PRELID2: variants seen among roughly 807,000 people sequenced by gnomAD.
The protein encoded by PRELID2 is PRELI domain containing 2.
PRELID2 carries 25 observed loss-of-function variants against 28.4 expected under a neutral mutation model. The observed-to-expected ratio is 0.88, with a 90% CI of 0.64 to 1.23. The LOEUF is 1.23. Ranked by LOEUF, PRELID2 falls within the 50% of genes most tolerant of loss-of-function variation. The pLI, the probability that PRELID2 is intolerant of heterozygous loss-of-function variation, is 0.00. For synonymous variants in PRELID2, 76 were observed against 71.6 expected (o/e 1.06, Z -0.31); for missense variants, 201 against 214.4 (o/e 0.94, Z 0.39).
At chr5:145,583,414 C>T (rs893467138) in intron 1 of PRELID2, among the ~76,000 whole-genome samples, 8 of 152,064 alleles carry the variant, frequency 5.3e-5, no homozygotes, top group African/African-American at 1.9e-4. Context: ...CATTCCTATT[C>T]AACATAGTGT....
At chr5:145,530,569 G>T (rs1752647103) in intron 1 of PRELID2, among the ~76,000 whole-genome samples, 1 of 152,020 alleles carries the variant, frequency 6.6e-6, no homozygotes, top group African/African-American at 2.4e-5. Context: ...TTGTGGCTGA[G>T]ATGGAGAAGA....
chr5:145,600,159 A>G (rs1426073901), intron 1 of PRELID2, among the ~76,000 whole-genome samples: 1 of 145,354 alleles, frequency 6.9e-6, no homozygotes, highest in Non-Finnish European at 1.5e-5. Context: ...CAAAGTTAAC[A>G]TTTTTATTCA....
intron 1 of PRELID2, among the ~76,000 whole-genome samples, chr5:145,495,689 A>T (rs944675049): frequency 1.3e-5 from 2 of 152,228 alleles, no homozygotes; most frequent in South Asian, 4.1e-4. Flanking sequence ...CTTTCATATA[A>T]CTGTTGTGAA....
the PRELID2 span, among the ~76,000 whole-genome samples, chr5:145,299,189 GTA>G: frequency 6.6e-6 from 1 of 151,938 alleles, no homozygotes; most frequent in Non-Finnish European, 1.5e-5. Context: ...CCCAAACCTT[GTA>G]TATGTTTCCT....
rs753031230 is a variant in PRELID2 at position 145,697,047 on chromosome 5, ATATAT to A, written n.70+67879_70+67883del. 2.4e-3 allele frequency among the ~76,000 whole-genome samples: 264 copies of A among 109,944 alleles called. 8 individuals carry two copies. The highest frequency in any genetic ancestry group is 3.6e-3 in the Non-Finnish European group (205 of 57,264). The allele number at this position is 109,944 out of a possible 152,430, so 72.1% of individuals were successfully genotyped here. A position where few individuals can be genotyped will look rare whatever the true frequency, so the allele number is the denominator to read the frequency against. On this transcript the variant is annotated intron_variant and non_coding_transcript_variant, in intron 1 of 2. Coordinates refer to the PRELID2 transcript ENST00000510259. ...AGAGAGGAAAATTATATATATATAT[ATATAT>A]ATATATATATATATATATATATATA...
chr5:145,284,279 C>CT, the PRELID2 span, among the ~76,000 whole-genome samples: 1 of 152,016 alleles, frequency 6.6e-6, no homozygotes, highest in Non-Finnish European at 1.5e-5. Context: ...AGTAGTTTTG[C>CT]TTTTTTGTTT....
intron 1 of PRELID2, among the ~76,000 whole-genome samples, chr5:145,549,482 A>C (rs1465475260): frequency 6.6e-6 from 1 of 152,288 alleles, no homozygotes. Context: ...ATGCTATATT[A>C]AGTGTAAGAG....
intron 1 of PRELID2, among the ~76,000 whole-genome samples, chr5:145,590,944 G>A (rs749072311): frequency 2.0e-5 from 3 of 151,294 alleles, no homozygotes; most frequent in Admixed American, 2.0e-4. Flanking sequence ...CCAAACTCAA[G>A]GAAACGCATG....
At chr5:145,269,662 T>C in the PRELID2 span, among the ~76,000 whole-genome samples, 1,670 of 151,328 alleles carry the variant, frequency 0.011, 15 homozygotes, top group Middle Eastern at 0.024. Context: ...AAACTTCTGG[T>C]AAACAAAAGA....
chr5:145,704,576 A>C (rs902764311), intron 1 of PRELID2, among the ~76,000 whole-genome samples: 1 of 152,222 alleles, frequency 6.6e-6, no homozygotes, highest in Non-Finnish European at 1.5e-5. Flanking sequence ...AATATAATGA[A>C]ATAGAAAACT....
the PRELID2 span, among the ~76,000 whole-genome samples, chr5:145,375,685 T>C: frequency 3.3e-5 from 5 of 151,994 alleles, no homozygotes; most frequent in Admixed American, 2.6e-4. Context: ...GTTAATGGAG[T>C]TCCTTCAGGG....
At chr5:145,397,186 G>C in the PRELID2 span, among the ~76,000 whole-genome samples, 1 of 152,058 alleles carries the variant, frequency 6.6e-6, no homozygotes, top group Non-Finnish European at 1.5e-5. Flanking sequence ...AGGTCCACAA[G>C]AATTCTAAGA....
intron 1 of PRELID2, among the ~76,000 whole-genome samples, chr5:145,655,074 C>G (rs1009526233): frequency 3.3e-5 from 5 of 151,748 alleles, no homozygotes; most frequent in African/African-American, 1.2e-4. Context: ...AATCAATGTG[C>G]AAAAATCACA....
At chr5:145,246,072 T>C in the PRELID2 span, among the ~76,000 whole-genome samples, 3 of 152,032 alleles carry the variant, frequency 2.0e-5, no homozygotes, top group African/African-American at 7.2e-5. Context: ...AACGAGATTT[T>C]ACTTAGAATA....
chr5:145,782,958 T>C (rs186544374), intron 5 of PRELID2, among the ~76,000 whole-genome samples: 21 of 152,332 alleles, frequency 1.4e-4, no homozygotes, highest in African/African-American at 4.8e-4. Context: ...TCAGAGCAAC[T>C]AGCTCAAGCA....
chr5:145,591,451 AG>A (rs984001875), intron 1 of PRELID2, among the ~76,000 whole-genome samples: 1 of 152,204 alleles, frequency 6.6e-6, no homozygotes, highest in African/African-American at 2.4e-5. Flanking sequence ...ACCATTTCAT[AG>A]TACAAAAGGA....
At chr5:145,299,635 ATGTGTGTGCGTGTGTGTG>A in the PRELID2 span, among the ~76,000 whole-genome samples, 2 of 107,552 alleles carry the variant, frequency 1.9e-5, no homozygotes, top group Non-Finnish European at 3.9e-5. Context: ...CTACATATAT[ATGTGTGTGCGTGTGTGTG>A]TGTGTGTGTG....
the PRELID2 span, among the ~76,000 whole-genome samples, chr5:145,362,227 G>A: frequency 2.0e-5 from 3 of 152,096 alleles, no homozygotes; most frequent in African/African-American, 7.2e-5. Context: ...TTAAATGTTG[G>A]TATTTGAAGC....
chr5:145,346,344 G>T, the PRELID2 span, among the ~76,000 whole-genome samples: 1 of 152,122 alleles, frequency 6.6e-6, no homozygotes, highest in Non-Finnish European at 1.5e-5. Flanking sequence ...TGATTGCTAA[G>T]ATGTGTAAGA....
Sources: gnomAD v4.1 joint callset for allele counts (sites outside exome capture counted in the v4.1 genomes callset) on GRCh38, gnomAD v4.1.1 for gene constraint, MANE v1.5 for transcripts, NCBI Gene and HGNC (gene_info 2026-07-23, HGNC 2026-07-21) for gene names.